Variants in ARHGEF18 observed in about 807,000 individuals in gnomAD.
ARHGEF18 encodes rho guanine nucleotide exchange factor 18.
A neutral mutation model predicts 155.7 loss-of-function variants in ARHGEF18; 93 were observed. That is an observed-to-expected ratio of 0.60 (90% CI 0.50 to 0.71). The LOEUF is 0.71. Ranked by LOEUF, ARHGEF18 falls within the 30% of genes least tolerant of loss-of-function variation. The pLI, the probability that ARHGEF18 is intolerant of heterozygous loss-of-function variation, is 0.00. For synonymous variants in ARHGEF18, 742 were observed against 753.1 expected (o/e 0.99, Z 0.24); for missense variants, 1,593 against 1,816.1 (o/e 0.88, Z 2.23).
intron 10 of ARHGEF18, among the ~76,000 whole-genome samples, chr19:7,392,932 AG>A (rs144829424): frequency 0.064 from 9,648 of 149,958 alleles, 1,003 homozygotes; most frequent in African/African-American, 0.22. Context: ...CTGTGGTCCC[AG>A]CTACTTGGGA....
rs1974880829 is a variant in ARHGEF18 at position 7,444,660 on chromosome 19, G to GC, written c.1611+208dup. 6.6e-6 allele frequency among the ~76,000 whole-genome samples: 1 copy of GC among 151,972 alleles called. No homozygotes were observed. Among genetic ancestry groups the GC allele is most frequent in the Admixed American group, 6.6e-5 (1 of 15,262 alleles). ...CAAGTAGCTGGGACTACAGCTATGCGCCACCATACCCGGCTAAATTTTATT... is the reference window on the plus strand; with the variant it reads ...CAAGTAGCTGGGACTACAGCTATGCGCCCACCATACCCGGCTAAATTTTATT... On this transcript the variant is annotated intron_variant, in intron 14 of 28. Coordinates refer to ENST00000668164, the MANE Select transcript of ARHGEF18 (RefSeq NM_001367823.1). This position sits in a 1 kb window ranked among gnomAD's most constrained non-coding sequence, Gnocchi z 4.7.
At chr19:7,419,060 A>T (rs560714949) in intron 10 of ARHGEF18, among the ~76,000 whole-genome samples, 9,759 of 121,522 alleles carry the variant, frequency 0.08, 820 homozygotes, top group African/African-American at 0.26. Flanking sequence ...TCTGTACCCC[A>T]GATGTACCCA....
At chr19:7,464,967 C>A (rs1285210252) in intron 23 of ARHGEF18, among the ~76,000 whole-genome samples, 1 of 152,208 alleles carries the variant, frequency 6.6e-6, no homozygotes, top group Admixed American at 6.5e-5. Flanking sequence ...GCGAGGAACC[C>A]CCTACAGGGA....
intron 10 of ARHGEF18, among the ~76,000 whole-genome samples, chr19:7,386,990 A>G (rs1298464837): frequency 3.3e-5 from 5 of 152,050 alleles, no homozygotes; most frequent in African/African-American, 1.2e-4. Flanking sequence ...CTGAAGTTGT[A>G]TGCCACATCT....
At chr19:7,425,258 A>C (rs146768136) in intron 10 of ARHGEF18, among the ~76,000 whole-genome samples, 1 of 151,636 alleles carries the variant, frequency 6.6e-6, no homozygotes, top group East Asian at 1.9e-4. Context: ...CTTAGTTCTT[A>C]TCTTCATTAA....
Position 7,468,887 on chromosome 19 carries a change from C to T in ARHGEF18, c.3543C>T (p.Ser1181=). The T allele has an allele frequency of 6.4e-7, 1 of 1,574,100 alleles. No individual in the cohort carries two copies. The highest frequency in any genetic ancestry group is 8.6e-7 in the Non-Finnish European group (1 of 1,159,846). ...AAGGGCTGGAGGGCCCTCGTGTGAG[C>T]ATGCTGCCATCCGGCGTGGGGCCAG... The part of the protein sequence containing the change: ...NGEGLEGPRV[S]MLPSGVGPEY... The change falls in exon 27 of 29, where the codon AGC becomes AGT. Residue 1181 remains serine, a synonymous_variant. Coordinates refer to ENST00000668164, the MANE Select transcript of ARHGEF18 (RefSeq NM_001367823.1).
chr19:7,350,767 G>GTGTGTGT (rs1969136536), intron 1 of ARHGEF18, among the ~76,000 whole-genome samples: 6 of 19,492 alleles, frequency 3.1e-4, no homozygotes, highest in East Asian at 2.1e-3. Flanking sequence ...TTTTGGGGTG[G>GTGTGTGT]GTGTGTGTGT....
intron 10 of ARHGEF18, among the ~76,000 whole-genome samples, chr19:7,419,848 A>C (rs554102862): frequency 6.6e-6 from 1 of 151,310 alleles, no homozygotes; most frequent in African/African-American, 2.4e-5. Context: ...CACACCCTCC[A>C]CCATAGAAAG....
chr19:7,438,092 C>G (rs953239273), intron 10 of ARHGEF18, among the ~76,000 whole-genome samples: 1 of 133,168 alleles, frequency 7.5e-6, no homozygotes, highest in East Asian at 2.7e-4. Flanking sequence ...CCCTTCCCCT[C>G]TCCTCCCTTC....
At chr19:7,405,024 C>T (rs979549950) in intron 10 of ARHGEF18, among the ~76,000 whole-genome samples, 1 of 152,028 alleles carries the variant, frequency 6.6e-6, no homozygotes, top group Non-Finnish European at 1.5e-5. Flanking sequence ...ATGGCATGAT[C>T]TTGGCTCACT....
intron 10 of ARHGEF18, among the ~76,000 whole-genome samples, chr19:7,399,150 G>A (rs1223624461): frequency 6.6e-6 from 1 of 152,056 alleles, no homozygotes; most frequent in Non-Finnish European, 1.5e-5. Flanking sequence ...CCCCTGAGAC[G>A]GTCAAGAACT....
intron 2 of ARHGEF18, among the ~76,000 whole-genome samples, chr19:7,367,977 AAGAGAGAGAGAG>A (rs537429456): frequency 1.0e-4 from 7 of 66,760 alleles, no homozygotes; most frequent in African/African-American, 3.8e-4. Context: ...AAAGGAAAGA[AAGAGAGAGAGAG>A]AGAGAGAGAG....
At chr19:7,398,690 CAAAA>C (rs1176940342) in intron 10 of ARHGEF18, among the ~76,000 whole-genome samples, 10 of 114,970 alleles carry the variant, frequency 8.7e-5, no homozygotes, top group Middle Eastern at 5.9e-3. Context: ...GACTCTGTCT[CAAAA>C]AAAAAAAAAA....
chr19:7,433,182 G>A (rs557118752), intron 10 of ARHGEF18, among the ~76,000 whole-genome samples: 68 of 150,822 alleles, frequency 4.5e-4, no homozygotes, highest in African/African-American at 1.7e-3. Flanking sequence ...AAAAAAGAAG[G>A]CAGGCCGGGC....
At chr19:7,356,425 C>G (rs56873301) in intron 1 of ARHGEF18, among the ~76,000 whole-genome samples, 2,991 of 152,008 alleles carry the variant, frequency 0.02, 82 homozygotes, top group African/African-American at 0.067. Context: ...AGGTGCCCCC[C>G]ACCACACCTG....
chr19:7,477,111 T>C (rs1599200658), downstream of ARHGEF18: 2 of 1,237,060 alleles, frequency 1.6e-6, no homozygotes, highest in African/African-American at 1.6e-5. Flanking sequence ...GGCAGCTCCA[T>C]GAGAGCCCCG....
chr19:7,414,250 AC>A (rs200383345), intron 10 of ARHGEF18, among the ~76,000 whole-genome samples: 2 of 102,974 alleles, frequency 1.9e-5, no homozygotes, highest in African/African-American at 6.3e-5. Flanking sequence ...AGCAAGAATC[AC>A]CCCTGGTAGA....
At chr19:7,357,416 G>A (rs1347647042) in intron 1 of ARHGEF18, among the ~76,000 whole-genome samples, 1 of 152,192 alleles carries the variant, frequency 6.6e-6, no homozygotes, top group South Asian at 2.1e-4. Flanking sequence ...GTGGGGGAGT[G>A]AGCTGTGGGA....
intron 7 of ARHGEF18, 86 bp downstream of exon 7, chr19:7,379,252 A>G: frequency 8.7e-7 from 1 of 1,152,186 alleles, no homozygotes; most frequent in Non-Finnish European, 1.1e-6. Context: ...GGTGTAGGAG[A>G]CAGGGGTAGA....
Sources: gnomAD v4.1 joint callset for allele counts (sites outside exome capture counted in the v4.1 genomes callset) on GRCh38, gnomAD v4.1.1 for gene constraint, Gnocchi (gnomAD v3.1) non-coding constraint, MANE v1.5 for transcripts, NCBI Gene and HGNC (gene_info 2026-07-23, HGNC 2026-07-21) for gene names.